Variants in CYSLTR1 observed in about 807,000 individuals in gnomAD.
The protein encoded by CYSLTR1 is cysteinyl leukotriene receptor 1.
A neutral mutation model predicts 2.1 loss-of-function variants in CYSLTR1; 1 was observed. The ratio of observed to expected loss-of-function variants is 0.48; its 90% CI spans 0.17 to 2.28. CYSLTR1 has a LOEUF of 2.28. CYSLTR1 is among the 30% of genes most tolerant of loss of function. The pLI is 0.26. For synonymous variants in CYSLTR1, 110 were observed against 89.6 expected (o/e 1.23, Z -1.28); for missense variants, 299 against 250.1 (o/e 1.20, Z -1.32).
At chrX:78,309,485 TC>T (rs1349363899) in intron 1 of CYSLTR1, among the ~76,000 whole-genome samples, 1 of 111,872 alleles carries the variant, frequency 8.9e-6, no homozygotes, top group Non-Finnish European at 1.9e-5. Context: ...GAGTAACTTA[TC>T]AGTGTTCTGG....
intron 1 of CYSLTR1, among the ~76,000 whole-genome samples, chrX:78,289,492 T>C (rs1203789442): frequency 8.9e-6 from 1 of 112,141 alleles, no homozygotes; most frequent in Non-Finnish European, 1.9e-5. Context: ...ATGGGATTGC[T>C]GGGTCAAATG....
intron 1 of CYSLTR1, among the ~76,000 whole-genome samples, chrX:78,293,341 A>C (rs994958752): frequency 8.9e-6 from 1 of 111,841 alleles, no homozygotes; most frequent in African/African-American, 3.3e-5. Context: ...TTCTGCTGAG[A>C]GATCCGCTGT....
intron 1 of CYSLTR1, chrX:78,320,439 C>A (rs933787605): frequency 2.7e-5 from 3 of 110,891 alleles, no homozygotes; most frequent in Non-Finnish European, 5.6e-5. Flanking sequence ...GGCATTATTT[C>A]TGAGGGCTCT....
rs1439983203 is a variant in CYSLTR1 at position 78,272,561 on chromosome X, A to G, written c.*172T>C. 3 of 402,619 alleles carry G rather than the reference A, an allele frequency of 7.5e-6. No homozygotes were observed. Among genetic ancestry groups the G allele is most frequent in the Non-Finnish European group, 1.2e-5 (3 of 258,115 alleles). 33.2% of individuals were successfully genotyped at this position (402,619 alleles called of 1,213,427 possible). On this transcript the variant is annotated 3_prime_UTR_variant, in exon 3 of 3. Transcript: ENST00000373304. The stretch of plus-strand genomic sequence containing the variant: ...GTGGACCGAATTTTTAGCACTTAAA[A>G]TATCTATAAATATCTAATCATGTGG...
rs142243823 is a variant in CYSLTR1, at chrX:78,312,776, A to C, written c.-115+14529T>G. On this transcript the variant is annotated intron_variant, in intron 1 of 2. Transcript: ENST00000373304. ...AAACCACAGTAAAATACCATCTCAT[A>C]ACAGTCAAAATGGCAATTAGTAAAA... 3.9e-3 allele frequency among the ~76,000 whole-genome samples: 435 copies of C among 112,358 alleles called. 1 individual carries two copies. The highest frequency in any genetic ancestry group is 0.013 in the African/African-American group (418 of 30,967).
Position 78,273,682 on chromosome X carries a change from C to T in CYSLTR1, c.65G>A (p.Arg22His), listed in dbSNP as rs771405218. Residue 22 changes from arginine to histidine, a missense_variant, in exon 3 of 3, where the codon CGC becomes CAC. Transcript: ENST00000373304. ...ATCHDTIDDF[R>H]NQVYSTLYSM... is the part of the protein sequence containing the mutation. The stretch of plus-strand genomic sequence containing the variant: ...GTACAAGGTGGAATACACTTGATTG[C>T]GGAAGTCATCAATAGTGTCATGGCA... 4.8e-5 allele frequency: 58 copies of T among 1,208,546 alleles called. No individual in the cohort carries two copies. The highest frequency in any genetic ancestry group is 2.3e-4 in the Middle Eastern group (1 of 4,371).
chrX:78,308,384 C>T (rs1472452840), intron 1 of CYSLTR1, among the ~76,000 whole-genome samples: 2 of 111,796 alleles, frequency 1.8e-5, no homozygotes, highest in Admixed American at 1.9e-4. Context: ...ATCTTGTTTA[C>T]CTAAGCCTTA....
intron 1 of CYSLTR1, among the ~76,000 whole-genome samples, chrX:78,303,426 T>TA (rs397743046): frequency 4.6e-5 from 5 of 109,617 alleles, no homozygotes; most frequent in African/African-American, 1.3e-4. Flanking sequence ...GGTTTTTTTT[T>TA]AATGTAGATA....
chrX:78,294,783 G>A (rs900577964), intron 1 of CYSLTR1, among the ~76,000 whole-genome samples: 3 of 112,730 alleles, frequency 2.7e-5, no homozygotes, highest in Non-Finnish European at 3.8e-5. Context: ...GTGACCTGCC[G>A]AGCTAGGCAC....
intron 2 of CYSLTR1, among the ~76,000 whole-genome samples, chrX:78,281,293 G>T (rs1266821987): frequency 2.8e-5 from 3 of 107,138 alleles, no homozygotes; most frequent in African/African-American, 1.0e-4. Flanking sequence ...TTGAGACAGG[G>T]TCTCACTCTG....
chrX:78,316,809 G>T (rs550097478), intron 1 of CYSLTR1, among the ~76,000 whole-genome samples: 1 of 111,890 alleles, frequency 8.9e-6, no homozygotes, highest in Non-Finnish European at 1.9e-5. Context: ...CTGGATCCTT[G>T]TCTTTCACTT....
chrX:78,311,471 C>T (rs780050024), intron 1 of CYSLTR1, among the ~76,000 whole-genome samples: 1 of 111,157 alleles, frequency 9.0e-6, no homozygotes, highest in South Asian at 3.8e-4. Flanking sequence ...AGAATGCTTC[C>T]AAAGAAGTCC....
intron 1 of CYSLTR1, among the ~76,000 whole-genome samples, chrX:78,326,541 C>T (rs1199805678): frequency 4.5e-5 from 5 of 111,999 alleles, no homozygotes; most frequent in Non-Finnish European, 9.4e-5. Flanking sequence ...CTCTTGAAAA[C>T]AGCCTTTTTT....
intron 2 of CYSLTR1, among the ~76,000 whole-genome samples, chrX:78,279,113 T>A (rs1234581610): frequency 1.8e-5 from 2 of 112,076 alleles, no homozygotes; most frequent in Non-Finnish European, 3.8e-5. Context: ...ACAATTGGGA[T>A]CTAATTATAC....
Position 78,314,888 on chromosome X carries a change from C to T in CYSLTR1, c.-115+12417G>A, listed in dbSNP as rs139715434. Among the ~76,000 whole-genome samples, 43 of 108,898 alleles carry T rather than the reference C, an allele frequency of 3.9e-4. 2 individuals carry two copies. The highest frequency in any genetic ancestry group is 1.4e-3 in the African/African-American group (42 of 29,961). 94.6% of individuals were successfully genotyped at this position (108,898 alleles called of 115,157 possible). A position where few individuals can be genotyped will look rare whatever the true frequency, so the allele number is the denominator to read the frequency against. On this transcript the variant is annotated intron_variant, in intron 1 of 2. Coordinates refer to ENST00000373304, the MANE Select transcript of CYSLTR1 (RefSeq NM_006639.4). ...GGAACGTCCTAGTGCTAAACTGTGC[C>T]CAGATACAGTGGACTAGAGAAGCAT...
chrX:78,302,486 G>A (rs1027101385), intron 1 of CYSLTR1, among the ~76,000 whole-genome samples: 6 of 111,709 alleles, frequency 5.4e-5, no homozygotes, highest in African/African-American at 2.0e-4. Flanking sequence ...CAAGCAGATG[G>A]AGTCTTGCCT....
At chrX:78,299,119 A>C (rs998175101) in intron 1 of CYSLTR1, among the ~76,000 whole-genome samples, 10 of 111,834 alleles carry the variant, frequency 8.9e-5, no homozygotes, top group Non-Finnish European at 1.7e-4. Context: ...AAAACTTAAC[A>C]CTATTTGCAT....
chrX:78,308,392 T>G (rs1923105370), intron 1 of CYSLTR1, among the ~76,000 whole-genome samples: 1 of 112,117 alleles, frequency 8.9e-6, no homozygotes, highest in African/African-American at 3.2e-5. Flanking sequence ...TACCTAAGCC[T>G]TAATTACCCC....
chrX:78,325,164 T>A (rs763370603), intron 1 of CYSLTR1, among the ~76,000 whole-genome samples: 112 of 112,211 alleles, frequency 1.0e-3, no homozygotes, highest in African/African-American at 3.5e-3. Context: ...ATTTTATTCC[T>A]TTTAGAGTTC....
Sources: gnomAD v4.1 joint callset for allele counts (sites outside exome capture counted in the v4.1 genomes callset) on GRCh38, gnomAD v4.1.1 for gene constraint, MANE v1.5 for transcripts, NCBI Gene and HGNC (gene_info 2026-07-23, HGNC 2026-07-21) for gene names.